The following ATP2B4 variants were observed in gnomAD, a reference collection of about 807,000 sequenced individuals.
ATP2B4 encodes plasma membrane calcium-transporting ATPase 4.
In ATP2B4, 39 loss-of-function variants were observed where a neutral mutation model predicts 110.3. The ratio of observed to expected loss-of-function variants is 0.35; its 90% CI spans 0.27 to 0.46. The LOEUF (loss-of-function observed/expected upper bound fraction) is 0.46, where lower values mean the gene tolerates loss of function less well. Ranked by LOEUF, ATP2B4 falls within the 20% of genes least tolerant of loss-of-function variation. The probability of loss-of-function intolerance (pLI) is 1.00; values close to 1 mark genes in which losing one functional copy is unlikely to be tolerated. For synonymous variants in ATP2B4, 538 were observed against 571.7 expected (o/e 0.94, Z 0.84); for missense variants, 1,135 against 1,530.9 (o/e 0.74, Z 4.32).
intron 1 of ATP2B4, among the ~76,000 whole-genome samples, chr1:203,639,669 C>T (rs1663567083): frequency 6.6e-6 from 1 of 152,224 alleles, no homozygotes; most frequent in Non-Finnish European, 1.5e-5. Context: ...AGAAAGCCTT[C>T]TCCTGGACCA....
chr1:203,690,882 C>T (rs71643041), intron 2 of ATP2B4, among the ~76,000 whole-genome samples: 2 of 152,210 alleles, frequency 1.3e-5, no homozygotes, highest in Admixed American at 6.5e-5. Flanking sequence ...TGTCCTCCCT[C>T]TGCCCCTCCC....
rs576479187 is a variant in ATP2B4 at position 203,656,919 on chromosome 1, T to A, written c.-464-25823T>A. 2.9e-4 allele frequency: 178 copies of A among 603,858 alleles called. 2 individuals are homozygous for A. The South Asian group carries it at 3.5e-3, about 12-fold the overall frequency. The allele number at this position is 603,858 out of a possible 1,614,324, so 37.4% of individuals were successfully genotyped here. A position where few individuals can be genotyped will look rare whatever the true frequency, so the allele number is the denominator to read the frequency against. The stretch of plus-strand genomic sequence containing the variant: ...GGTAGAAACATTACAGTAATGGCAG[T>A]TTTTTCAGTTGGTGTGTAGTCCCCA... On this transcript the variant is annotated intron_variant, in intron 1 of 20. Coordinates refer to ENST00000357681, the MANE Select transcript of ATP2B4 (RefSeq NM_001684.5).
chr1:203,630,878 G>A (rs1663247963), intron 1 of ATP2B4, among the ~76,000 whole-genome samples: 1 of 152,206 alleles, frequency 6.6e-6, no homozygotes, highest in Non-Finnish European at 1.5e-5. Context: ...ATTAGAGCAG[G>A]CCCTGGGGCT....
chr1:203,699,445 C>T lies in ATP2B4; in HGVS notation c.392-15C>T. Reference sequence around the variant, plus strand: ...AAAGCCCTTCAGTGACTATTTCTCTCCCTTCCTGGGATAGTGTGTGGTCAA... The same window carrying T: ...AAAGCCCTTCAGTGACTATTTCTCTTCCTTCCTGGGATAGTGTGTGGTCAA... On this transcript the variant is annotated splice_polypyrimidine_tract_variant and intron_variant, in intron 3 of 20. Transcript: ENST00000357681. 2 of 1,613,554 alleles carry T rather than the reference C, an allele frequency of 1.2e-6. No homozygotes were observed. Among genetic ancestry groups the T allele is most frequent in the South Asian group, 2.2e-5 (2 of 91,024 alleles).
chr1:203,712,114 G>T lies in ATP2B4; in HGVS notation c.2186G>T (p.Arg729Leu). 1 of 1,614,048 alleles carries T rather than the reference G, an allele frequency of 6.2e-7. No homozygotes were observed. Among genetic ancestry groups the T allele is most frequent in the Non-Finnish European group, 8.5e-7 (1 of 1,179,970 alleles). Residue 729 changes from arginine (R) to leucine (L), a missense_variant, in exon 13 of 21, where the codon CGG (arginine) becomes CTG (leucine). Coordinates refer to ENST00000357681, the MANE Select transcript of ATP2B4 (RefSeq NM_001684.5). The part of the protein sequence containing the change: ...FLCLEGKEFN[R>L]LIRNEKGEVE... ...TGCTTAGAAGGCAAAGAATTCAACC[G>T]GCTCATCCGCAACGAGAAAGGCGAG...
intron 1 of ATP2B4, among the ~76,000 whole-genome samples, chr1:203,647,519 G>A (rs756331140): frequency 4.6e-5 from 7 of 152,108 alleles, no homozygotes; most frequent in Admixed American, 2.6e-4. Context: ...CAACACTTTG[G>A]GAGGCAAAGC....
intron 8 of ATP2B4, among the ~76,000 whole-genome samples, chr1:203,705,928 G>A (rs1665835715): frequency 6.6e-6 from 1 of 152,216 alleles, no homozygotes; most frequent in Non-Finnish European, 1.5e-5. Flanking sequence ...AAGAACGGAA[G>A]AATTTGCTTT....
chr1:203,739,394 G>A, intron 20 of ATP2B4, 152 bp from the exon 21 acceptor site: 2 of 747,860 alleles, frequency 2.7e-6, no homozygotes, highest in South Asian at 3.9e-5. Flanking sequence ...AGTGCCCCAT[G>A]ATCTCTTCTG....
At position 203,722,588 on chromosome 1, in the gene ATP2B4, GA is replaced by G. The variant is rs759048199; in HGVS notation, c.2926del (p.Ile976SerfsTer25). The G allele has an allele frequency of 6.2e-7, 1 of 1,614,170 alleles. No homozygotes were observed. Among genetic ancestry groups the G allele is most frequent in the Non-Finnish European group, 8.5e-7 (1 of 1,180,028 alleles). ...NTFVLMQLFNEINSRKIHGEK... is the reference protein window; with the variant it reads ...NTFVLMQLFNXINSRKIHGEK... ...CTTCGTGCTGATGCAGCTCTTCAAT[GA>G]AATCAACTCCCGAAAGATCCATGGA... On this transcript the variant is annotated frameshift_variant, in exon 18 of 21. Coordinates refer to ENST00000357681, the MANE Select transcript of ATP2B4 (RefSeq NM_001684.5). LOFTEE classifies it high-confidence loss of function.
Position 203,722,549 on chromosome 1 carries a change from A to G in ATP2B4, c.2884A>G (p.Ile962Val). Residue 962 changes from isoleucine (I) to valine (V), a missense_variant, in exon 18 of 21, where the codon ATT becomes GTT. This residue lies in a region of ATP2B4 where 155 missense variants were observed against 186.2 expected (regional missense o/e 0.83). Transcript: ENST00000357681. Reference sequence around the variant, plus strand: ...TTCACCACCCAGCCAGCACTATACCATTGTTTTTAACACCTTCGTGCTGAT... The same window carrying G: ...TTCACCACCCAGCCAGCACTATACCGTTGTTTTTAACACCTTCGTGCTGAT... ...LHSPPSQHYT[I>V]VFNTFVLMQL... 6.2e-7 allele frequency: 1 copy of G among 1,614,128 alleles called. No homozygotes were observed. Among genetic ancestry groups the G allele is most frequent in the Non-Finnish European group, 8.5e-7 (1 of 1,180,006 alleles).
intron 2 of ATP2B4, among the ~76,000 whole-genome samples, chr1:203,696,550 A>G (rs1665538712): frequency 6.6e-6 from 1 of 152,232 alleles, no homozygotes; most frequent in East Asian, 1.9e-4. Flanking sequence ...TTCCAGTGCC[A>G]AAACCAGGAC....
intron 11 of ATP2B4, 133 bp from the exon 12 acceptor site, chr1:203,710,744 G>A (rs1665982074): frequency 1.4e-6 from 1 of 727,508 alleles, no homozygotes; most frequent in Non-Finnish European, 2.4e-6. Flanking sequence ...GGTGATGAAT[G>A]AAGGAAATGT....
chr1:203,733,961 A>G (rs1426002860), intron 20 of ATP2B4, among the ~76,000 whole-genome samples: 1 of 152,214 alleles, frequency 6.6e-6, no homozygotes, highest in Non-Finnish European at 1.5e-5. Flanking sequence ...TTGGTCAATA[A>G]TAATAGTCCA....
In ATP2B4 at chr1:203,732,748, G is replaced by C. The variant is rs1183709992; in HGVS notation, c.3309+5177G>C. Among the ~76,000 whole-genome samples the C allele has an allele frequency of 2.0e-5, 3 of 151,818 alleles. No individual in the cohort carries two copies. The East Asian group carries it at 5.8e-4, about 29-fold the overall frequency. The stretch of plus-strand genomic sequence containing the variant: ...ACAGGTAAAAAGGGGCCTGTAGGTG[G>C]AGGTTGCAGTGAACCGAGAGTGTGC... On this transcript the variant is annotated intron_variant, in intron 20 of 20. Transcript: ENST00000357681.
At position 203,700,923 on chromosome 1, in the gene ATP2B4, G is replaced by A. The variant is rs772384631; in HGVS notation, c.901G>A (p.Gly301Ser). 1 of 1,612,166 alleles carries A rather than the reference G, an allele frequency of 6.2e-7. No homozygotes were observed. The highest frequency in any genetic ancestry group is 1.1e-5 in the South Asian group (1 of 90,948). Residue 301 changes from glycine to serine, a missense_variant and splice_region_variant, in exon 6 of 21, where the codon GGT (glycine) becomes AGT (serine). This residue lies in a region of ATP2B4 where 162 missense variants were observed against 210.5 expected (regional missense o/e 0.77). Transcript: ENST00000357681. ...TGACGAAGGGGAGAAAAAGAAGAAA[G>A]GTAAGGGGCATCTGGAATGAGATTC... ...EDDEGEKKKK[G>S]KKQGVPENRN...
chr1:203,729,562 A>AG (rs58452750), intron 20 of ATP2B4: 2 of 434,286 alleles, frequency 4.6e-6, no homozygotes, highest in Non-Finnish European at 8.6e-6. Context: ...AAAAAAAAAA[A>AG]GAAGAAGAAA....
intron 1 of ATP2B4, among the ~76,000 whole-genome samples, chr1:203,644,899 C>T (rs921958886): frequency 6.6e-6 from 1 of 152,184 alleles, no homozygotes; most frequent in African/African-American, 2.4e-5. Context: ...CAGCCCCGCT[C>T]TGTATGACTC....
At chr1:203,640,131 T>C (rs1663582018) in intron 1 of ATP2B4, among the ~76,000 whole-genome samples, 1 of 152,174 alleles carries the variant, frequency 6.6e-6, no homozygotes, top group African/African-American at 2.4e-5. Flanking sequence ...ATTAAAGTGC[T>C]AGATATACGT....
At chr1:203,722,414 C>T (rs557917475) in intron 17 of ATP2B4, 64 bp from the exon 18 acceptor site, 4 of 1,291,012 alleles carry the variant, frequency 3.1e-6, no homozygotes. Flanking sequence ...ATATCTGTAC[C>T]AACACATTCT....
Sources: gnomAD v4.1 joint callset for allele counts (sites outside exome capture counted in the v4.1 genomes callset) on GRCh38, gnomAD v4.1.1 for gene constraint, gnomAD v4.1.1 regional missense constraint, MANE v1.5 for transcripts, NCBI Gene and HGNC (gene_info 2026-07-23, HGNC 2026-07-21) for gene names.